ARHGAP9: variants seen among roughly 807,000 people sequenced by gnomAD.
The protein encoded by ARHGAP9 is rho GTPase-activating protein 9.
Under a neutral mutation model 87.3 loss-of-function variants are expected in ARHGAP9, and 76 were observed. The observed-to-expected ratio is 0.87, with a 90% CI of 0.72 to 1.05. The LOEUF is 1.05. Among genes scored for constraint, ARHGAP9 ranks in the 50% least tolerant of loss-of-function variants. The pLI, the probability that ARHGAP9 is intolerant of heterozygous loss-of-function variation, is 0.00. For synonymous variants in ARHGAP9, 382 were observed against 394.9 expected (o/e 0.97, Z 0.39); for missense variants, 941 against 960.5 (o/e 0.98, Z 0.27).
chr12:57,474,424 T>G lies in ARHGAP9; in HGVS notation c.1782A>C (p.Gln594His). ...GRYVFPEQPG[Q>H]EGRLDLDSTE... The stretch of plus-strand genomic sequence containing the variant: ...CTGAAGGGTCTTCCATGTAAGTACC[T>G]TGTCCTGGCTGTTCTGGGAACACAT... Residue 594 changes from glutamine (Q) to histidine (H), a missense_variant and splice_region_variant, in exon 15 of 18, where the codon CAA becomes CAC. Transcript: ENST00000393791. 6.2e-7 allele frequency: 1 copy of G among 1,614,168 alleles called. No individual in the cohort carries two copies. The highest frequency in any genetic ancestry group is 8.5e-7 in the Non-Finnish European group (1 of 1,180,024).
chr12:57,488,230 TGG>T (rs766598952), intron 1 of ARHGAP9: 40 of 1,584,492 alleles, frequency 2.5e-5, no homozygotes, highest in Non-Finnish European at 3.5e-5. Context: ...GGGCGGTGGA[TGG>T]GGGGGCGGGA....
At chr12:57,484,817 G>A (rs1205762868), upstream of ARHGAP9, among the ~76,000 whole-genome samples, 1 of 149,770 alleles carries the variant, frequency 6.7e-6, no homozygotes, top group African/African-American at 2.5e-5. Context: ...GCTAATTTTT[G>A]TATTTTTTAG....
chr12:57,487,079 C>T (rs961568375), intron 1 of ARHGAP9, among the ~76,000 whole-genome samples: 1 of 151,438 alleles, frequency 6.6e-6, no homozygotes, highest in African/African-American at 2.4e-5. Flanking sequence ...CGGGTTCAGG[C>T]GATTTTTTTT....
upstream of ARHGAP9, among the ~76,000 whole-genome samples, chr12:57,483,176 G>A (rs1411999101): frequency 6.6e-6 from 1 of 152,068 alleles, no homozygotes; most frequent in African/African-American, 2.4e-5. Flanking sequence ...CTATGATAGA[G>A]GAAATACTAT....
Position 57,472,463 on chromosome 12 carries a change from C to T in ARHGAP9, c.*54G>A. On this transcript the variant is annotated 3_prime_UTR_variant, in exon 18 of 18. Coordinates refer to ENST00000393791, the MANE Select transcript of ARHGAP9 (RefSeq NM_032496.4). Reference sequence around the variant, plus strand: ...GGATATCCTCAAAACAGAACACCAGCCTCTCACCACCAGAGATGACCGGAA... The same window carrying T: ...GGATATCCTCAAAACAGAACACCAGTCTCTCACCACCAGAGATGACCGGAA... The T allele has an allele frequency of 1.3e-6, 2 of 1,575,654 alleles. No homozygotes were observed. The highest frequency in any genetic ancestry group is 1.7e-6 in the Non-Finnish European group (2 of 1,159,668).
intron 14 of ARHGAP9, 31 bp from the exon 15 acceptor site, chr12:57,474,507 T>G: frequency 6.2e-7 from 1 of 1,614,064 alleles, no homozygotes; most frequent in Non-Finnish European, 8.5e-7. Flanking sequence ...GATCAGGAGC[T>G]AAGACATACA....
intron 7 of ARHGAP9, 45 bp from the exon 8 acceptor site, chr12:57,476,499 C>G: frequency 6.2e-7 from 1 of 1,613,104 alleles, no homozygotes; most frequent in African/African-American, 1.3e-5. Flanking sequence ...ACAGGTCATT[C>G]TAGAATGACA....
Position 57,475,923 on chromosome 12 carries a change from C to G in ARHGAP9, c.1221G>C (p.Thr407=). ...GCAGCAGGAACTCGTGGCCAGGGAT[C>G]GTGCGGATCTGAGGGCCAGGCAAGG... ...SSRRNVLHIR[T]IPGHEFLLQS... The change falls in exon 10 of 18, where the codon ACG becomes ACC. Residue 407 remains threonine, a synonymous_variant. Coordinates refer to ENST00000393791, the MANE Select transcript of ARHGAP9 (RefSeq NM_032496.4). 11 of 1,613,054 alleles carry G rather than the reference C, an allele frequency of 6.8e-6. No homozygotes were observed. Among genetic ancestry groups the G allele is most frequent in the Non-Finnish European group, 9.3e-6 (11 of 1,179,508 alleles).
intron 10 of ARHGAP9, 83 bp downstream of exon 10, chr12:57,475,750 C>T: frequency 3.2e-6 from 5 of 1,556,866 alleles, no homozygotes; most frequent in Non-Finnish European, 4.4e-6. Context: ...CTGCCCCCAA[C>T]TGCTCCTGAC....
chr12:57,488,518 A>T, intron 1 of ARHGAP9: 1 of 1,490,592 alleles, frequency 6.7e-7, no homozygotes. Flanking sequence ...TCTGCTCTTT[A>T]GTTACTAGCA....
rs1294418342 is a variant in ARHGAP9 at position 57,477,338 on chromosome 12, T to C, written c.757-69A>G. On this transcript the variant is annotated intron_variant, in intron 4 of 17. Transcript: ENST00000393791. The stretch of plus-strand genomic sequence containing the variant: ...CTCTACCCACTCTCCACACCCTTCT[T>C]ATACTTGGCTGATTCTTCTGATCTT... 2.0e-6 allele frequency: 3 copies of C among 1,513,916 alleles called. No individual in the cohort carries two copies. The African/African-American group carries it at 4.2e-5, about 21-fold the overall frequency. 93.8% of individuals were successfully genotyped at this position (1,513,916 alleles called of 1,614,324 possible).
At chr12:57,474,224 TAG>T (rs1466003930) in intron 15 of ARHGAP9, 48 bp from the exon 16 acceptor site, 1 of 1,596,122 alleles carries the variant, frequency 6.3e-7, no homozygotes, top group Non-Finnish European at 8.6e-7. Flanking sequence ...CAGAAAGATT[TAG>T]AGACTGAGAG....
upstream of ARHGAP9, among the ~76,000 whole-genome samples, chr12:57,484,604 G>A (rs1203798991): frequency 1.3e-5 from 2 of 152,030 alleles, no homozygotes; most frequent in Non-Finnish European, 2.9e-5. Context: ...TTATGCCTCA[G>A]TTCCCTCATT....
rs149727404 is a variant in ARHGAP9, at chr12:57,478,589, C to T, written c.485G>A (p.Gly162Glu). The change falls in exon 3 of 18, where the codon GGA becomes GAA. Residue 162 changes from glycine (G) to glutamate (E), a missense_variant. Transcript: ENST00000393791. ...LLKPFQEGPS[G>E]RSLSQEDLPS... ...CAAGTCTTCCTGGGAGAGGGATCTT[C>T]CGCTTGGTCCTTCCTGGAAAGGCTT... 727 of 1,614,064 alleles carry T rather than the reference C, an allele frequency of 4.5e-4. No homozygotes were observed. Among genetic ancestry groups the T allele is most frequent in the Admixed American group, 6.5e-4 (39 of 60,000 alleles).
intron 13 of ARHGAP9, 72 bp downstream of exon 13, chr12:57,474,803 A>G: frequency 6.2e-7 from 1 of 1,605,394 alleles, no homozygotes. Context: ...AAGACTAGGT[A>G]GAATGGGGGA....
chr12:57,480,930 A>G, upstream of ARHGAP9: 1 of 1,195,956 alleles, frequency 8.4e-7, no homozygotes, highest in Non-Finnish European at 1.2e-6. Flanking sequence ...CTGGGTGGCT[A>G]GTACTGGGCT....
chr12:57,475,740 C>G, intron 10 of ARHGAP9, 93 bp downstream of exon 10: 1 of 1,486,004 alleles, frequency 6.7e-7, no homozygotes, highest in Non-Finnish European at 9.0e-7. Context: ...TGAGCCCACC[C>G]TGCCCCCAAC....
intron 13 of ARHGAP9, 82 bp downstream of exon 13, chr12:57,474,793 A>C: frequency 6.2e-7 from 1 of 1,604,706 alleles, no homozygotes; most frequent in East Asian, 2.2e-5. Flanking sequence ...GGGCAGTAGG[A>C]AGACTAGGTA....
At chr12:57,475,082 CCAGGCCTGGGCAAGGAAATACA>C in intron 12 of ARHGAP9, 109 bp from the exon 13 acceptor site, 1 of 1,269,186 alleles carries the variant, frequency 7.9e-7, no homozygotes, top group Non-Finnish European at 1.1e-6. Context: ...GCTGCCTGTG[CCAGGCCTGGGCAAGGAAATACA>C]CTCCACCTCC....
Sources: gnomAD v4.1 joint callset for allele counts (sites outside exome capture counted in the v4.1 genomes callset) on GRCh38, gnomAD v4.1.1 for gene constraint, MANE v1.5 for transcripts, NCBI Gene and HGNC (gene_info 2026-07-23, HGNC 2026-07-21) for gene names.